Variants in NELL1 observed in about 807,000 individuals in gnomAD.
NELL1 encodes the protein neural EGFL like 1, also known as protein kinase C-binding protein NELL1.
Under a neutral mutation model 107.4 loss-of-function variants are expected in NELL1, and 76 were observed. That is an observed-to-expected ratio of 0.71 (90% CI 0.59 to 0.86). The LOEUF (loss-of-function observed/expected upper bound fraction) is 0.86. Ranked by LOEUF, NELL1 falls within the 40% of genes least tolerant of loss-of-function variation. The pLI, the probability that NELL1 is intolerant of heterozygous loss-of-function variation, is 0.00. For synonymous variants in NELL1, 353 were observed against 341.2 expected, an observed-to-expected ratio of 1.03 and a Z score of -0.38; for missense variants, 1,024 against 1,005.5, an observed-to-expected ratio of 1.02 and a Z score of -0.25.
At position 21,017,489 on chromosome 11, in the gene NELL1, C is replaced by G. The variant is rs1462064636; in HGVS notation, c.1300+56929C>G. On this transcript the variant is annotated intron_variant, in intron 12 of 19. Coordinates refer to ENST00000357134, the MANE Select transcript of NELL1 (RefSeq NM_006157.5). ...ATCTCTAATTACCTATTTTTTATAC[C>G]TGTAATACATGGAGTGGCTTCTGTT... Among the ~76,000 whole-genome samples the G allele has an allele frequency of 2.0e-5, 3 of 152,088 alleles. No homozygotes were observed. The South Asian group carries it at 6.2e-4, about 32-fold the overall frequency.
intron 10 of NELL1, among the ~76,000 whole-genome samples, chr11:20,941,533 AT>A (rs60713276): frequency 0.068 from 10,305 of 151,576 alleles, 429 homozygotes; most frequent in East Asian, 0.2. Flanking sequence ...CCTACATGAT[AT>A]TTTTTTTTCT....
chr11:21,447,348 T>C (rs1385479060), intron 15 of NELL1, among the ~76,000 whole-genome samples: 1 of 152,178 alleles, frequency 6.6e-6, no homozygotes, highest in Non-Finnish European at 1.5e-5. Flanking sequence ...AAAGGGTTTC[T>C]CTCTGTAGCC....
chr11:21,312,301 G>A (rs140232497), intron 14 of NELL1, among the ~76,000 whole-genome samples: 46 of 151,988 alleles, frequency 3.0e-4, no homozygotes, highest in African/African-American at 7.5e-4. Flanking sequence ...GCAACTACCC[G>A]GAAGAGCTCT....
At chr11:21,485,050 C>T (rs778181385) in intron 15 of NELL1, among the ~76,000 whole-genome samples, 3 of 152,054 alleles carry the variant, frequency 2.0e-5, no homozygotes, top group Non-Finnish European at 2.9e-5. Context: ...GAGTGAGTGA[C>T]GTCAGGGTTT....
intron 14 of NELL1, among the ~76,000 whole-genome samples, chr11:21,269,374 T>TCACA (rs1281576660): frequency 6.0e-5 from 9 of 149,390 alleles, no homozygotes; most frequent in Non-Finnish European, 1.2e-4. Flanking sequence ...TCTCTCTCTC[T>TCACA]CTCACACACA....
At chr11:21,075,633 T>C (rs7948252) in intron 12 of NELL1, among the ~76,000 whole-genome samples, 98,500 of 151,916 alleles carry the variant, frequency 0.65, 32,714 homozygotes, top group East Asian at 0.81. Context: ...TGCAGAGACA[T>C]GGGGTTCCAT....
At chr11:21,555,399 C>T (rs1856681784) in intron 16 of NELL1, among the ~76,000 whole-genome samples, 1 of 151,880 alleles carries the variant, frequency 6.6e-6, no homozygotes, top group Non-Finnish European at 1.5e-5. Flanking sequence ...CCCACGGAAG[C>T]TTGCACACAT....
intron 14 of NELL1, among the ~76,000 whole-genome samples, chr11:21,280,957 C>T (rs1446927549): frequency 1.3e-5 from 2 of 151,936 alleles, no homozygotes; most frequent in East Asian, 1.9e-4. Flanking sequence ...AACAGGCAAC[C>T]TATTGAGACA....
chr11:20,883,993 G>C (rs1849457925), intron 4 of NELL1, among the ~76,000 whole-genome samples: 1 of 152,154 alleles, frequency 6.6e-6, no homozygotes, highest in African/African-American at 2.4e-5. Context: ...AACACATTCT[G>C]TCTTCTTTTT....
intron 14 of NELL1, among the ~76,000 whole-genome samples, chr11:21,308,432 C>T (rs1349006810): frequency 6.6e-6 from 1 of 151,972 alleles, no homozygotes; most frequent in Non-Finnish European, 1.5e-5. Context: ...TAAGACTCTG[C>T]ATTTCTTTCT....
At chr11:21,015,027 T>C (rs1473130821) in intron 12 of NELL1, among the ~76,000 whole-genome samples, 1 of 152,154 alleles carries the variant, frequency 6.6e-6, no homozygotes, top group Non-Finnish European at 1.5e-5. Flanking sequence ...ACTTGAACTT[T>C]GTTCATTTTT....
chr11:21,099,940 A>G (rs1565058998), intron 12 of NELL1, among the ~76,000 whole-genome samples: 1 of 152,202 alleles, frequency 6.6e-6, no homozygotes, highest in Non-Finnish European at 1.5e-5. Context: ...TAAAGGGTAC[A>G]AATCAATGGG....
chr11:21,019,938 A>G (rs1257768606), intron 12 of NELL1, among the ~76,000 whole-genome samples: 4 of 152,072 alleles, frequency 2.6e-5, no homozygotes, highest in Admixed American at 2.6e-4. Context: ...GTTTCCTTGG[A>G]AATCTCTTGT....
At chr11:21,346,008 C>CAGGCTAT (rs1850676116) in intron 14 of NELL1, among the ~76,000 whole-genome samples, 1 of 152,112 alleles carries the variant, frequency 6.6e-6, no homozygotes, top group Non-Finnish European at 1.5e-5. Context: ...TGCTTTTGTG[C>CAGGCTAT]CATATTAGTA....
chr11:21,285,071 G>C (rs573515298), intron 14 of NELL1: 3 of 153,748 alleles, frequency 2.0e-5, no homozygotes, highest in Admixed American at 6.4e-5. Context: ...CAAGAAACCA[G>C]CTTATCCTTT....
intron 15 of NELL1, among the ~76,000 whole-genome samples, chr11:21,511,188 C>T (rs756880475): frequency 5.3e-5 from 8 of 152,068 alleles, no homozygotes; most frequent in Non-Finnish European, 8.8e-5. Context: ...ATGTTATCTC[C>T]AATATATTCT....
intron 3 of NELL1, among the ~76,000 whole-genome samples, chr11:20,787,090 G>GA (rs373858747): frequency 6.8e-6 from 1 of 147,956 alleles, no homozygotes; most frequent in Admixed American, 6.8e-5. Flanking sequence ...AGACAAGTAC[G>GA]AAAAATCTCA....
rs181957160 is a variant in NELL1, at chr11:21,543,946, A to C, written c.1786+9432A>C. ...TCTAAACATTTCTGGGAGTTAGTCT[A>C]ACAGAACCTCAGATGAGCAGTAGGG... is the stretch of plus-strand genomic sequence containing the variant. On this transcript the variant is annotated intron_variant, in intron 16 of 19. Transcript: ENST00000357134. Among the ~76,000 whole-genome samples the C allele has an allele frequency of 3.6e-3, 547 of 152,114 alleles. 1 individual carries two copies. The highest frequency in any genetic ancestry group is 0.014 in the Middle Eastern group (4 of 294).
chr11:20,863,889 C>G (rs184926726), intron 4 of NELL1, among the ~76,000 whole-genome samples: 10 of 152,190 alleles, frequency 6.6e-5, no homozygotes, highest in African/African-American at 2.2e-4. Context: ...GCGGATCACT[C>G]GCGGTTAGGA....
Sources: allele counts gnomAD v4.1 joint callset (sites outside exome capture counted in the v4.1 genomes callset), GRCh38; gene constraint gnomAD v4.1.1; transcripts MANE v1.5; gene names NCBI Gene and HGNC (gene_info 2026-07-23, HGNC 2026-07-21).